SIPA1L2: variants seen among roughly 807,000 people sequenced by gnomAD.
The protein encoded by SIPA1L2 is signal induced proliferation associated 1 like 2.
Under a neutral mutation model 163.9 loss-of-function variants are expected in SIPA1L2, and 56 were observed. That is an observed-to-expected ratio of 0.34 (90% CI 0.28 to 0.43). The LOEUF (loss-of-function observed/expected upper bound fraction) is 0.43, where lower values mean the gene tolerates loss of function less well. Among genes scored for constraint, SIPA1L2 ranks in the 20% least tolerant of loss-of-function variants. The pLI, the probability that SIPA1L2 is intolerant of heterozygous loss-of-function variation, is 1.00. For missense variants in SIPA1L2, 1,974 were observed against 2,193.5 expected, an observed-to-expected ratio of 0.90 and a Z score of 2.00; for synonymous variants, 877 against 865.7, an observed-to-expected ratio of 1.01 and a Z score of -0.23.
chr1:232,530,157 C>T (rs1667905075), intron 2 of SIPA1L2, among the ~76,000 whole-genome samples: 1 of 151,900 alleles, frequency 6.6e-6, no homozygotes, highest in Admixed American at 6.6e-5. Flanking sequence ...GCTCTGTCGC[C>T]AGGCTGGAAT....
At chr1:232,588,968 A>G (rs1660824019) in intron 1 of SIPA1L2, among the ~76,000 whole-genome samples, 1 of 152,178 alleles carries the variant, frequency 6.6e-6, no homozygotes, top group Non-Finnish European at 1.5e-5. Context: ...AGATTATGTG[A>G]TTGATAGAAC....
At chr1:232,597,582 C>G (rs1263124812) in intron 1 of SIPA1L2, among the ~76,000 whole-genome samples, 2 of 149,164 alleles carry the variant, frequency 1.3e-5, no homozygotes, top group Non-Finnish European at 3.0e-5. Context: ...CCCAGCTACT[C>G]AGGAGGCTGA....
intron 2 of SIPA1L2, among the ~76,000 whole-genome samples, chr1:232,552,873 G>C (rs1418149024): frequency 6.6e-6 from 1 of 152,188 alleles, no homozygotes; most frequent in Non-Finnish European, 1.5e-5. Context: ...CCCTTATGGA[G>C]GGGGAGCATG....
intron 1 of SIPA1L2, among the ~76,000 whole-genome samples, chr1:232,608,729 A>G (rs1467872297): frequency 3.3e-5 from 5 of 152,208 alleles, no homozygotes; most frequent in Non-Finnish European, 7.3e-5. Flanking sequence ...TAGAAGACTG[A>G]TAAGCACTCC....
intron 19 of SIPA1L2, among the ~76,000 whole-genome samples, chr1:232,412,350 A>T (rs529374855): frequency 6.6e-6 from 1 of 152,290 alleles, no homozygotes; most frequent in Non-Finnish European, 1.5e-5. Context: ...TTTCAGATAT[A>T]CTAACTGAAA....
chr1:232,524,183 C>T (rs1486396114), intron 2 of SIPA1L2, among the ~76,000 whole-genome samples: 1 of 152,172 alleles, frequency 6.6e-6, no homozygotes, highest in Admixed American at 6.5e-5. Context: ...GTACTGGATG[C>T]TGTGGGTGGG....
intron 1 of SIPA1L2, among the ~76,000 whole-genome samples, chr1:232,601,616 G>A (rs1661597970): frequency 6.6e-6 from 1 of 152,148 alleles, no homozygotes; most frequent in African/African-American, 2.4e-5. Context: ...ATTTGGGGAT[G>A]TTCTGGATTC....
chr1:232,447,311 C>A (rs868534030), intron 10 of SIPA1L2, among the ~76,000 whole-genome samples: 5 of 152,206 alleles, frequency 3.3e-5, no homozygotes, highest in Admixed American at 6.5e-5. Flanking sequence ...TGTAGAGGAA[C>A]CTGGCCTGCC....
intron 18 of SIPA1L2, among the ~76,000 whole-genome samples, chr1:232,416,740 T>C (rs192703894): frequency 6.6e-6 from 1 of 152,326 alleles, no homozygotes; most frequent in East Asian, 1.9e-4. Context: ...CACATAGTGG[T>C]TGGATTACCT....
intron 1 of SIPA1L2, among the ~76,000 whole-genome samples, chr1:232,590,489 G>C (rs1283735692): frequency 6.6e-6 from 1 of 152,220 alleles, no homozygotes; most frequent in East Asian, 1.9e-4. Context: ...AAGTGAGCTG[G>C]AGTTCATACA....
intron 1 of SIPA1L2, among the ~76,000 whole-genome samples, chr1:232,627,716 A>T (rs557900798): frequency 1.3e-5 from 2 of 152,362 alleles, no homozygotes; most frequent in East Asian, 3.9e-4. Flanking sequence ...ACATATACTT[A>T]AAGCAACTGG....
intron 3 of SIPA1L2, among the ~76,000 whole-genome samples, chr1:232,500,539 G>C (rs933878141): frequency 6.6e-6 from 1 of 152,186 alleles, no homozygotes; most frequent in Non-Finnish European, 1.5e-5. Flanking sequence ...TTCACTGGAG[G>C]AAGTATTGCA....
intron 2 of SIPA1L2, among the ~76,000 whole-genome samples, chr1:232,572,704 TATATATATATATAC>T (rs1281675776): frequency 0.039 from 2,753 of 71,252 alleles, 38 homozygotes; most frequent in Middle Eastern, 0.097. Context: ...CATATATATA[TATATATATATATAC>T]ACACATATAT....
At chr1:232,554,381 G>A (rs1437417609) in intron 2 of SIPA1L2, among the ~76,000 whole-genome samples, 1 of 152,170 alleles carries the variant, frequency 6.6e-6, no homozygotes, top group African/African-American at 2.4e-5. Context: ...AAGTGGCTGT[G>A]CTAAAAGAAG....
At chr1:232,604,906 C>G (rs1573161985) in intron 1 of SIPA1L2, among the ~76,000 whole-genome samples, 1 of 152,126 alleles carries the variant, frequency 6.6e-6, no homozygotes, top group Non-Finnish European at 1.5e-5. Context: ...TCCCCAGAAG[C>G]CAAGGAGATG....
At position 232,470,738 on chromosome 1, in the gene SIPA1L2, A is replaced by G. The variant is rs1455825728; in HGVS notation, c.2243+633T>C. Among the ~76,000 whole-genome samples, 5 of 152,244 alleles carry G rather than the reference A, an allele frequency of 3.3e-5. No individual in the cohort carries two copies. The East Asian group carries it at 9.6e-4, about 29-fold the overall frequency. On this transcript the variant is annotated intron_variant, in intron 8 of 22. Transcript: ENST00000674635. ...TTTTAAGATGAGGAATCAAATGTTA[A>G]GAAAAATAAAGTAAGCCACACAAAG...
At chr1:232,446,900 T>C (rs1269236839) in intron 10 of SIPA1L2, among the ~76,000 whole-genome samples, 1 of 152,250 alleles carries the variant, frequency 6.6e-6, no homozygotes, top group African/African-American at 2.4e-5. Context: ...TGGACTTGTG[T>C]TTGGAGGAAC....
chr1:232,605,991 T>C (rs371026329), intron 1 of SIPA1L2, among the ~76,000 whole-genome samples: 2 of 148,218 alleles, frequency 1.3e-5, no homozygotes, highest in African/African-American at 5.2e-5. Flanking sequence ...CTCAGACACA[T>C]GATGCTACTG....
intron 16 of SIPA1L2, among the ~76,000 whole-genome samples, chr1:232,431,138 G>T (rs139211778): frequency 6.6e-6 from 1 of 152,100 alleles, no homozygotes; most frequent in Non-Finnish European, 1.5e-5. Flanking sequence ...CATATAAAAT[G>T]CTTCTAAAAA....
Sources: gnomAD v4.1 joint callset for allele counts (sites outside exome capture counted in the v4.1 genomes callset) on GRCh38, gnomAD v4.1.1 for gene constraint, MANE v1.5 for transcripts, NCBI Gene and HGNC (gene_info 2026-07-23, HGNC 2026-07-21) for gene names.